Variants in ZNF563 observed in about 807,000 individuals in gnomAD.
The protein encoded by ZNF563 is zinc finger protein 563.
A neutral mutation model predicts 48.5 loss-of-function variants in ZNF563; 39 were observed. The ratio of observed to expected loss-of-function variants is 0.80; its 90% CI spans 0.62 to 1.05. The LOEUF is 1.05. Among genes scored for constraint, ZNF563 ranks in the 50% least tolerant of loss-of-function variants. The pLI, the probability that ZNF563 is intolerant of heterozygous loss-of-function variation, is 0.00. For synonymous variants in ZNF563, 168 were observed against 187.9 expected (o/e 0.89, Z 0.87); for missense variants, 538 against 597.0 (o/e 0.90, Z 1.03).
At chr19:12,338,784 A>G in the ZNF563 span, among the ~76,000 whole-genome samples, 7,990 of 152,146 alleles carry the variant, frequency 0.053, 700 homozygotes, top group African/African-American at 0.18. Flanking sequence ...CCTGGGAGGC[A>G]GAGGTCGCGG....
At chr19:12,324,169 G>A (rs746540680) in intron 1 of ZNF563, among the ~76,000 whole-genome samples, 1 of 151,890 alleles carries the variant, frequency 6.6e-6, no homozygotes, top group African/African-American at 2.4e-5. Flanking sequence ...ACCAGCCTGG[G>A]CAACATGGCG....
chr19:12,333,746 T>C, upstream of ZNF563: 1 of 523,638 alleles, frequency 1.9e-6, no homozygotes, highest in Non-Finnish European at 3.4e-6. Flanking sequence ...CCCATAGCTC[T>C]GATTGGATAG....
chr19:12,335,060 C>T (rs1291963032), upstream of ZNF563, among the ~76,000 whole-genome samples: 3 of 152,058 alleles, frequency 2.0e-5, no homozygotes, highest in Non-Finnish European at 4.4e-5. Context: ...CATTTCTCTC[C>T]CTTTGCAGCC....
upstream of ZNF563, among the ~76,000 whole-genome samples, chr19:12,338,018 C>T (rs551272624): frequency 2.0e-5 from 3 of 152,148 alleles, no homozygotes; most frequent in Non-Finnish European, 2.9e-5. Context: ...AGGAGGATCA[C>T]TTGAGTCTAG....
chr19:12,325,169 G>A (rs1416412964), intron 1 of ZNF563, among the ~76,000 whole-genome samples: 1 of 152,120 alleles, frequency 6.6e-6, no homozygotes, highest in Non-Finnish European at 1.5e-5. Context: ...AACTACTTGA[G>A]ACAGCAGACT....
chr19:12,329,841 T>C (rs904655474), intron 1 of ZNF563, among the ~76,000 whole-genome samples: 6 of 152,162 alleles, frequency 3.9e-5, no homozygotes, highest in East Asian at 1.9e-4. Context: ...CAAATACTTA[T>C]GGAAGAAATG....
rs543943851 is a variant in ZNF563 at position 12,320,050 on chromosome 19, G to A, written c.192-217C>T. Among the ~76,000 whole-genome samples the A allele has an allele frequency of 8.5e-4, 130 of 152,058 alleles. 2 individuals carry two copies. The South Asian group carries it at 0.015, about 18-fold the overall frequency. ...TCCTGCCTCAGCCTCCCAAGTAGCC[G>A]GGATTAGAGAGGCATACGCCACCAC... On this transcript the variant is annotated intron_variant, in intron 3 of 3. Coordinates refer to ENST00000293725, the MANE Select transcript of ZNF563 (RefSeq NM_145276.3).
the ZNF563 span, among the ~76,000 whole-genome samples, chr19:12,340,619 A>G: frequency 6.6e-6 from 1 of 152,156 alleles, no homozygotes; most frequent in East Asian, 1.9e-4. Flanking sequence ...ACTGAAAAAA[A>G]TACAAAAATT....
chr19:12,341,608 TA>T, the ZNF563 span, among the ~76,000 whole-genome samples: 1 of 152,014 alleles, frequency 6.6e-6, no homozygotes, highest in East Asian at 1.9e-4. Context: ...CAAAAACTGT[TA>T]AAGGAGACAA....
upstream of ZNF563, among the ~76,000 whole-genome samples, chr19:12,335,331 A>G (rs1363526951): frequency 3.3e-5 from 5 of 152,160 alleles, no homozygotes; most frequent in African/African-American, 1.2e-4. Flanking sequence ...CTTTTCCCCT[A>G]AATCCAGGCA....
the ZNF563 span, among the ~76,000 whole-genome samples, chr19:12,339,538 C>T: frequency 3.9e-5 from 6 of 152,048 alleles, no homozygotes; most frequent in Non-Finnish European, 5.9e-5. Flanking sequence ...CCTCAGCCTC[C>T]CAAATTGCTG....
chr19:12,334,701 T>G (rs1264755370), upstream of ZNF563, among the ~76,000 whole-genome samples: 3 of 151,682 alleles, frequency 2.0e-5, no homozygotes, highest in Non-Finnish European at 4.4e-5. Flanking sequence ...AAACCACATC[T>G]CTACTAAAAA....
intron 1 of ZNF563, among the ~76,000 whole-genome samples, chr19:12,329,036 A>G (rs1405990026): frequency 6.6e-6 from 1 of 152,188 alleles, no homozygotes; most frequent in East Asian, 1.9e-4. Flanking sequence ...AATCGAATGC[A>G]TTCTCTAGAA....
chr19:12,334,391 A>T (rs1968992915), upstream of ZNF563, among the ~76,000 whole-genome samples: 1 of 150,908 alleles, frequency 6.6e-6, no homozygotes, highest in African/African-American at 2.5e-5. Flanking sequence ...ATATGCCCAA[A>T]CTTGGCAGCC....
At chr19:12,345,351 T>C in the ZNF563 span, among the ~76,000 whole-genome samples, 2 of 152,140 alleles carry the variant, frequency 1.3e-5, no homozygotes, top group East Asian at 1.9e-4. Flanking sequence ...GCTACAGTGA[T>C]CAAAACAGTA....
At chr19:12,332,347 CTTTTT>C (rs567439951) in intron 1 of ZNF563, among the ~76,000 whole-genome samples, 3 of 135,172 alleles carry the variant, frequency 2.2e-5, no homozygotes, top group African/African-American at 2.8e-5. Context: ...TTTCTTTTTT[CTTTTT>C]TTTTTTTTTT....
At chr19:12,320,164 C>T (rs957365930) in intron 3 of ZNF563, among the ~76,000 whole-genome samples, 14 of 152,104 alleles carry the variant, frequency 9.2e-5, no homozygotes, top group African/African-American at 2.9e-4. Context: ...GATCCACCCC[C>T]CCTTGGCCTC....
At chr19:12,328,078 C>T (rs374839887) in intron 1 of ZNF563, among the ~76,000 whole-genome samples, 3 of 152,306 alleles carry the variant, frequency 2.0e-5, no homozygotes, top group South Asian at 2.1e-4. Flanking sequence ...TACGTGTTTA[C>T]AGAATCCTTC....
At position 12,322,672 on chromosome 19, in the gene ZNF563, G is replaced by A; in HGVS notation, c.43C>T (p.Gln15Ter). 6.2e-7 allele frequency: 1 copy of A among 1,609,324 alleles called. No homozygotes were observed. Reference protein sequence around the residue: ...AFEDVAVNFTQEEWALLGPSQ... With the variant: ...AFEDVAVNFT ...GGACCCAGCAAAGCCCATTCCTCCT[G>A]GGTGAAGTTCACAGCCACATCCTCA... Residue 15 changes from glutamine (Q) to a stop codon, truncating the protein, a stop_gained, in exon 2 of 4, where the codon CAG (glutamine) becomes TAG (stop). Transcript: ENST00000293725. LOFTEE classifies it high-confidence loss of function.
Sources: gnomAD v4.1 joint callset for allele counts (sites outside exome capture counted in the v4.1 genomes callset) on GRCh38, gnomAD v4.1.1 for gene constraint, MANE v1.5 for transcripts, NCBI Gene and HGNC (gene_info 2026-07-23, HGNC 2026-07-21) for gene names.